G2E3: variants seen among roughly 807,000 people sequenced by gnomAD.
G2E3 encodes G2/M phase-specific E3 ubiquitin-protein ligase.
G2E3 carries 35 observed loss-of-function variants against 92.8 expected under a neutral mutation model. The ratio of observed to expected loss-of-function variants is 0.38; its 90% CI spans 0.29 to 0.50. The LOEUF is 0.50. G2E3 is among the 20% of genes least tolerant of loss of function. The pLI, the probability that G2E3 is intolerant of heterozygous loss-of-function variation, is 0.94. For missense variants in G2E3, 554 were observed against 823.8 expected, an observed-to-expected ratio of 0.67 and a Z score of 4.01; for synonymous variants, 242 against 272.4, an observed-to-expected ratio of 0.89 and a Z score of 1.10.
chr14:30,616,612 C>T lies in G2E3; in HGVS notation c.*78C>T. ...TCTTTTATTTCACTAACCTTTTCAT[C>T]ATCACTTTGAACAAACTAGTTAGCT... On this transcript the variant is annotated 3_prime_UTR_variant, in exon 15 of 15. Transcript: ENST00000206595. 1 of 1,063,220 alleles carries T rather than the reference C, an allele frequency of 9.4e-7. No homozygotes were observed. The highest frequency in any genetic ancestry group is 1.5e-5 in the South Asian group (1 of 67,968). 65.9% of individuals were successfully genotyped at this position (1,063,220 alleles called of 1,614,324 possible). A position where few individuals can be genotyped will look rare whatever the true frequency, so the allele number is the denominator to read the frequency against.
chr14:30,603,807 A>G (rs186946471), intron 10 of G2E3, among the ~76,000 whole-genome samples: 44 of 152,328 alleles, frequency 2.9e-4, no homozygotes, highest in Non-Finnish European at 4.6e-4. Flanking sequence ...TCATGCCACT[A>G]TACTCTCACC....
intron 1 of G2E3, 60 bp from the exon 2 acceptor site, chr14:30,581,016 A>G: frequency 2.2e-6 from 2 of 903,082 alleles, no homozygotes; most frequent in South Asian, 2.7e-5. Flanking sequence ...GCAAGTAATA[A>G]AAGTTGTTAA....
At chr14:30,572,038 AT>A (rs1299548304) in intron 1 of G2E3, among the ~76,000 whole-genome samples, 6 of 150,524 alleles carry the variant, frequency 4.0e-5, no homozygotes, top group Non-Finnish European at 8.9e-5. Context: ...CTATCTCTTC[AT>A]TTATTTAGGT....
intron 13 of G2E3, 89 bp from the exon 14 acceptor site, chr14:30,615,260 A>G: frequency 3.1e-6 from 2 of 641,864 alleles, no homozygotes; most frequent in South Asian, 5.6e-5. Context: ...TGTTTTGAAA[A>G]CATGCCAGAT....
chr14:30,576,750 C>T (rs1190831778), intron 1 of G2E3, among the ~76,000 whole-genome samples: 1 of 152,160 alleles, frequency 6.6e-6, no homozygotes, highest in Non-Finnish European at 1.5e-5. Context: ...TAATGCAATG[C>T]ATAGACTAAG....
At chr14:30,584,091 G>A (rs1358069305) in intron 2 of G2E3, among the ~76,000 whole-genome samples, 1 of 152,034 alleles carries the variant, frequency 6.6e-6, no homozygotes, top group African/African-American at 2.4e-5. Context: ...TACTTATGTT[G>A]GATAAAGTAA....
intron 4 of G2E3, 128 bp from the exon 5 acceptor site, chr14:30,592,195 C>T: frequency 1.3e-6 from 1 of 785,752 alleles, no homozygotes; most frequent in East Asian, 2.7e-5. Flanking sequence ...TTAATATACC[C>T]TTACCACAGC....
intron 3 of G2E3, among the ~76,000 whole-genome samples, chr14:30,588,505 T>C (rs1208010106): frequency 1.3e-5 from 2 of 152,122 alleles, no homozygotes; most frequent in South Asian, 2.1e-4. Flanking sequence ...ATTTCTCTTA[T>C]GTTCTGTCTT....
chr14:30,614,244 G>A (rs969052608), intron 13 of G2E3, among the ~76,000 whole-genome samples: 2 of 152,076 alleles, frequency 1.3e-5, no homozygotes, highest in South Asian at 2.1e-4. Context: ...AGATAAACAT[G>A]TGTGTTCTTA....
chr14:30,577,527 T>C (rs1189789054), intron 1 of G2E3, among the ~76,000 whole-genome samples: 1 of 152,186 alleles, frequency 6.6e-6, no homozygotes, highest in Non-Finnish European at 1.5e-5. Flanking sequence ...GAAGGCTTGA[T>C]TGGGGCTGGA....
chr14:30,581,744 C>A (rs560239991), intron 2 of G2E3, among the ~76,000 whole-genome samples: 2 of 152,174 alleles, frequency 1.3e-5, no homozygotes, highest in South Asian at 2.1e-4. Context: ...GGAAAACTTA[C>A]CTCTACGTGC....
chr14:30,574,111 A>G (rs1030950763), intron 1 of G2E3, among the ~76,000 whole-genome samples: 1 of 152,142 alleles, frequency 6.6e-6, no homozygotes, highest in African/African-American at 2.4e-5. Flanking sequence ...TCACTTTATC[A>G]TCCTGCAGTA....
intron 1 of G2E3, among the ~76,000 whole-genome samples, chr14:30,575,411 G>A (rs560359852): frequency 2.0e-5 from 3 of 152,178 alleles, no homozygotes; most frequent in East Asian, 1.9e-4. Context: ...CAAACCCACA[G>A]CCAACATTAT....
intron 11 of G2E3, 148 bp downstream of exon 11, chr14:30,605,960 G>T: frequency 2.2e-6 from 1 of 454,132 alleles, no homozygotes. Context: ...ACAGGAAAGT[G>T]GGAAGGGGGA....
At chr14:30,606,990 A>T (rs973478099) in intron 11 of G2E3, among the ~76,000 whole-genome samples, 1 of 152,156 alleles carries the variant, frequency 6.6e-6, no homozygotes, top group Admixed American at 6.5e-5. Context: ...TACCATCTGT[A>T]GGAATCCTAA....
Position 30,605,733 on chromosome 14 carries a change from G to T in G2E3, c.1239G>T (p.Leu413=). Residue 413 remains leucine, a synonymous_variant, in exon 11 of 15, where the codon CTG becomes CTT. Coordinates refer to ENST00000206595, the MANE Select transcript of G2E3 (RefSeq NM_017769.5). ...ATCCTGGATCAAAGCAAGAATTTCT[G>T]AGTCTCTTAATGCAACATCTTGAGA... is the stretch of plus-strand genomic sequence containing the variant. ...SEHPGSKQEF[L]SLLMQHLENS... is the part of the protein sequence containing the mutation. 1.2e-6 allele frequency: 2 copies of T among 1,608,608 alleles called. No homozygotes were observed. Among genetic ancestry groups the T allele is most frequent in the Non-Finnish European group, 1.7e-6 (2 of 1,176,504 alleles).
At chr14:30,562,439 T>C (rs1187372856) in intron 1 of G2E3, among the ~76,000 whole-genome samples, 3 of 152,192 alleles carry the variant, frequency 2.0e-5, no homozygotes, top group African/African-American at 7.2e-5. Context: ...AAGACAAGTG[T>C]GAGCCTTCTG....
intron 6 of G2E3, 91 bp downstream of exon 6, chr14:30,593,730 A>G: frequency 1.2e-6 from 1 of 862,316 alleles, no homozygotes; most frequent in Non-Finnish European, 1.9e-6. Flanking sequence ...TGACGTGTAT[A>G]TTACCTCTTA....
Sources: allele counts gnomAD v4.1 joint callset (sites outside exome capture counted in the v4.1 genomes callset), GRCh38; gene constraint gnomAD v4.1.1; transcripts MANE v1.5; gene names NCBI Gene and HGNC (gene_info 2026-07-23, HGNC 2026-07-21).